The following ABI1 variants were observed in gnomAD, a reference collection of about 807,000 sequenced individuals.
ABI1 encodes Abelson interactor 1.
A neutral mutation model predicts 54.6 loss-of-function variants in ABI1; 14 were observed. The observed-to-expected ratio is 0.26, with a 90% CI of 0.17 to 0.40. ABI1 has a LOEUF of 0.40. ABI1 is among the 10% of genes least tolerant of loss of function. The probability of loss-of-function intolerance (pLI) is 1.00; values close to 1 mark genes in which losing one functional copy is unlikely to be tolerated. For missense variants in ABI1, 443 were observed against 598.3 expected (o/e 0.74, Z 2.71); for synonymous variants, 194 against 209.3 (o/e 0.93, Z 0.63).
At chr10:26,813,327 T>G (rs1414635031) in intron 2 of ABI1, among the ~76,000 whole-genome samples, 1 of 151,764 alleles carries the variant, frequency 6.6e-6, no homozygotes, top group Non-Finnish European at 1.5e-5. Flanking sequence ...AACAGTCCAT[T>G]AGGAATCTGA....
intron 3 of ABI1, among the ~76,000 whole-genome samples, chr10:26,774,121 C>A (rs1841084559): frequency 6.6e-6 from 1 of 152,188 alleles, no homozygotes; most frequent in Non-Finnish European, 1.5e-5. Context: ...ATAACTAACA[C>A]TACCCTCCAG....
intron 1 of ABI1, among the ~76,000 whole-genome samples, chr10:26,855,500 A>G (rs1451415310): frequency 1.3e-5 from 2 of 152,216 alleles, no homozygotes; most frequent in Non-Finnish European, 2.9e-5. Flanking sequence ...TAATTTCCTC[A>G]TATGTAAGAC....
intron 2 of ABI1, among the ~76,000 whole-genome samples, chr10:26,821,624 C>A (rs893326994): frequency 2.6e-5 from 4 of 151,958 alleles, no homozygotes; most frequent in African/African-American, 4.8e-5. Flanking sequence ...ATGGCAAAAC[C>A]CCGTCTCTAC....
chr10:26,782,757 A>G (rs1239561018), intron 2 of ABI1, among the ~76,000 whole-genome samples: 8 of 151,002 alleles, frequency 5.3e-5, no homozygotes, highest in Admixed American at 2.7e-4. Context: ...ATGGCCAATA[A>G]GCACATGAAA....
chr10:26,857,320 CAAAAAAAAA>C (rs71403897), intron 1 of ABI1, among the ~76,000 whole-genome samples: 2 of 75,906 alleles, frequency 2.6e-5, no homozygotes, highest in African/African-American at 4.0e-5. Context: ...GACTCCATCT[CAAAAAAAAA>C]AAAAAAAAAA....
chr10:26,800,890 C>T (rs570830212), intron 2 of ABI1, among the ~76,000 whole-genome samples: 4 of 152,230 alleles, frequency 2.6e-5, no homozygotes, highest in Non-Finnish European at 5.9e-5. Context: ...CCTGCAATCC[C>T]AGCTACTGGG....
At position 26,761,661 on chromosome 10, in the gene ABI1, TAC is replaced by T. The variant is rs1554806654; in HGVS notation, c.821-2425_821-2424del. ...ATATATATATATATATATATATATA[TAC>T]ACACACACATACACATATATAACCT... On this transcript the variant is annotated intron_variant, in intron 7 of 10. Transcript: ENST00000376140. 4.1e-3 allele frequency among the ~76,000 whole-genome samples: 327 copies of T among 78,902 alleles called. 14 individuals carry two copies. In the East Asian group the frequency reaches 0.064, roughly 15 times the overall value. The allele number at this position is 78,902 out of a possible 152,430, so 51.8% of individuals were successfully genotyped here.
chr10:26,797,457 G>C (rs568333212), intron 2 of ABI1, among the ~76,000 whole-genome samples: 9 of 152,212 alleles, frequency 5.9e-5, no homozygotes, highest in Non-Finnish European at 1.0e-4. Flanking sequence ...GGTAGTATGT[G>C]ACTGGTTTTT....
At chr10:26,810,009 A>G (rs2047126840) in intron 2 of ABI1, among the ~76,000 whole-genome samples, 1 of 152,216 alleles carries the variant, frequency 6.6e-6, no homozygotes. Context: ...GAATCATTCC[A>G]GTAAATTATC....
chr10:26,752,681 G>A (rs771926357), intron 9 of ABI1, among the ~76,000 whole-genome samples: 21 of 152,056 alleles, frequency 1.4e-4, no homozygotes, highest in Non-Finnish European at 2.5e-4. Flanking sequence ...CTAGATGGTC[G>A]TGGTCAGTAT....
chr10:26,765,225 A>T lies in ABI1; in HGVS notation c.813T>A (p.Ile271=), dbSNP rs780017839. ...GATTAATAAATAACACACCTGGTCC[A>T]ATAGTGGGTGGCGAAGGTGTAGGCA... ...IAVPTPSPPT[I]GPAAPGSAPG... Residue 271 remains isoleucine, a synonymous_variant, in exon 7 of 11, where the codon ATT becomes ATA. Coordinates refer to ENST00000376140, the MANE Select transcript of ABI1 (RefSeq NM_001012750.3). 1.2e-6 allele frequency: 2 copies of T among 1,602,402 alleles called. No homozygotes were observed. The highest frequency in any genetic ancestry group is 4.5e-5 in the East Asian group (2 of 44,646).
intron 10 of ABI1, 100 bp downstream of exon 10, chr10:26,751,497 GT>G: frequency 8.1e-7 from 1 of 1,235,230 alleles, no homozygotes. Context: ...TGGTAAGGCA[GT>G]TTAAAAGGCT....
rs866885588 is a variant in ABI1 at position 26,860,095 on chromosome 10, C to G, written c.117+652G>C. ...GATGAACTTCTCTCAAACGCCCTCCCTCACTCCCCACACCCGCTTCCTCCT... is the reference window on the plus strand; with the variant it reads ...GATGAACTTCTCTCAAACGCCCTCCGTCACTCCCCACACCCGCTTCCTCCT... On this transcript the variant is annotated intron_variant, in intron 1 of 10. Coordinates refer to ENST00000376140, the MANE Select transcript of ABI1 (RefSeq NM_001012750.3). The surrounding 1 kb of genome is among the most constrained non-coding windows in gnomAD (Gnocchi z 4.1). Among the ~76,000 whole-genome samples the G allele has an allele frequency of 7.2e-5, 11 of 152,286 alleles. No individual in the cohort carries two copies. Among genetic ancestry groups the G allele is most frequent in the Middle Eastern group, 6.8e-3 (2 of 294 alleles).
chr10:26,831,871 C>T (rs919447372), intron 1 of ABI1, among the ~76,000 whole-genome samples: 3 of 152,172 alleles, frequency 2.0e-5, no homozygotes, highest in African/African-American at 7.2e-5. Context: ...TCTAAAATAA[C>T]GTTGCACAGC....
intron 9 of ABI1, among the ~76,000 whole-genome samples, chr10:26,752,986 T>C (rs1837825174): frequency 1.3e-5 from 2 of 152,198 alleles, no homozygotes; most frequent in Admixed American, 6.5e-5. Flanking sequence ...TTTCTGGGGC[T>C]ATTTACGTGA....
chr10:26,797,750 T>C (rs1393398916), intron 2 of ABI1, among the ~76,000 whole-genome samples: 2 of 151,978 alleles, frequency 1.3e-5, no homozygotes, highest in Non-Finnish European at 2.9e-5. Flanking sequence ...GATATCAGAG[T>C]AGAACGGAAT....
chr10:26,857,978 G>A (rs186081411), intron 1 of ABI1, among the ~76,000 whole-genome samples: 163 of 152,036 alleles, frequency 1.1e-3, no homozygotes, highest in Admixed American at 1.9e-3. Context: ...ATAAACTGCC[G>A]CAAGAACTTA....
chr10:26,831,608 G>C (rs2048682453), intron 1 of ABI1, among the ~76,000 whole-genome samples: 1 of 152,082 alleles, frequency 6.6e-6, no homozygotes, highest in African/African-American at 2.4e-5. Flanking sequence ...TCTAATCAAA[G>C]ATTGTTCATA....
At chr10:26,852,058 C>T (rs2050435990) in intron 1 of ABI1, among the ~76,000 whole-genome samples, 1 of 151,966 alleles carries the variant, frequency 6.6e-6, no homozygotes, top group Admixed American at 6.6e-5. Flanking sequence ...ACTCAGGAGG[C>T]TGAGATGGGA....
Sources: allele counts gnomAD v4.1 joint callset (sites outside exome capture counted in the v4.1 genomes callset), GRCh38; gene constraint gnomAD v4.1.1; non-coding constraint Gnocchi (gnomAD v3.1); transcripts MANE v1.5; gene names NCBI Gene and HGNC (gene_info 2026-07-23, HGNC 2026-07-21).